CHDH: variants seen among roughly 807,000 people sequenced by gnomAD.
CHDH encodes the protein choline dehydrogenase, also known as choline dehydrogenase, mitochondrial.
A neutral mutation model predicts 56.9 loss-of-function variants in CHDH; 43 were observed. The ratio of observed to expected loss-of-function variants is 0.76; its 90% CI spans 0.59 to 0.97. The LOEUF (loss-of-function observed/expected upper bound fraction) is 0.97. Among genes scored for constraint, CHDH ranks in the 50% least tolerant of loss-of-function variants. The pLI is 0.00. For synonymous variants in CHDH, 364 were observed against 348.5 expected (o/e 1.04, Z -0.50); for missense variants, 816 against 821.1 (o/e 0.99, Z 0.08).
chr3:53,812,617 AG>A lies in CHDH; in HGVS notation c.*5159del, dbSNP rs1428758852. ...TAAGTAAGTAAGTGAATTACAGAGC[AG>A]GTCCAGCTGGCTGCTCTGCCCCTTG... is the stretch of plus-strand genomic sequence containing the variant. On this transcript the variant is annotated 3_prime_UTR_variant, in exon 9 of 9. Coordinates refer to ENST00000315251, the MANE Select transcript of CHDH (RefSeq NM_018397.5). 1 of 152,140 alleles carries A rather than the reference AG, an allele frequency of 6.6e-6. No individual in the cohort carries two copies. Among genetic ancestry groups the A allele is most frequent in the African/African-American group, 2.4e-5 (1 of 41,410 alleles). 9.4% of individuals were successfully genotyped at this position (152,140 alleles called of 1,614,324 possible).
chr3:53,829,525 A>AT (rs1698268897), intron 2 of CHDH, among the ~76,000 whole-genome samples: 1 of 151,954 alleles, frequency 6.6e-6, no homozygotes, highest in African/African-American at 2.4e-5. Context: ...CCTCCTCTCG[A>AT]TTTTGCTGTG....
At chr3:53,826,083 A>G (rs1424236095) in intron 2 of CHDH, among the ~76,000 whole-genome samples, 1 of 152,126 alleles carries the variant, frequency 6.6e-6, no homozygotes, top group Non-Finnish European at 1.5e-5. Context: ...AAGCAGAAAG[A>G]CACTCCAGAT....
At chr3:53,840,603 G>A (rs1218324803) in intron 2 of CHDH, among the ~76,000 whole-genome samples, 2 of 152,002 alleles carry the variant, frequency 1.3e-5, no homozygotes, top group Non-Finnish European at 2.9e-5. Flanking sequence ...GGACCCCCAC[G>A]AGGTGAGGCT....
chr3:53,846,025 G>C (rs1032093157), intron 1 of CHDH, 58 bp downstream of exon 1: 1 of 152,268 alleles, frequency 6.6e-6, no homozygotes, highest in African/African-American at 2.4e-5. Context: ...GGCCTCTCCG[G>C]GCTAGCGGCC....
Position 53,818,962 on chromosome 3 carries a change from T to C in CHDH, c.1342A>G (p.Ile448Val). 1 of 1,613,514 alleles carries C rather than the reference T, an allele frequency of 6.2e-7. No homozygotes were observed. The highest frequency in any genetic ancestry group is 1.3e-5 in the African/African-American group (1 of 75,020). Reference sequence around the variant, plus strand: ...CCTGTTGACAAGTAGTTGGGCTGGATCACAGGGTGGTCTTGGGGATTGGCA... The same window carrying C: ...CCTGTTGACAAGTAGTTGGGCTGGACCACAGGGTGGTCTTGGGGATTGGCA... ...RSANPQDHPV[I>V]QPNYLSTETD... is the part of the protein sequence containing the mutation. The change falls in exon 8 of 9, where the codon ATC (isoleucine) becomes GTC (valine). Residue 448 changes from isoleucine (I) to valine (V), a missense_variant. Physicochemically the swap from Ile to Val is conservative, Grantham distance 29. Coordinates refer to ENST00000315251, the MANE Select transcript of CHDH (RefSeq NM_018397.5).
rs369837430 is a variant in CHDH at position 53,822,677 on chromosome 3, C to T, written c.704-35G>A. The T allele has an allele frequency of 5.2e-5, 82 of 1,589,222 alleles. No homozygotes were observed. The Middle Eastern group carries it at 2.4e-3, about 46-fold the overall frequency. ...GGAGTGAGGTGGTCAGGCATGGCTC[C>T]GCCCTCCCCTGGCACCTGGGCAGGA... On this transcript the variant is annotated intron_variant, in intron 3 of 8. Transcript: ENST00000315251.
chr3:53,813,183 A>G lies in CHDH; in HGVS notation c.*4594T>C, dbSNP rs1008034497. On this transcript the variant is annotated 3_prime_UTR_variant, in exon 9 of 9. Transcript: ENST00000315251. ...TAACAAACACCACTTTGTTATGAAG[A>G]CCTTACAAACCTCTTCTTAAGACAT... The G allele has an allele frequency of 2.8e-5, 4 of 145,294 alleles. No homozygotes were observed. The highest frequency in any genetic ancestry group is 7.7e-5 in the African/African-American group (3 of 38,894). 9.0% of individuals were successfully genotyped at this position (145,294 alleles called of 1,614,324 possible). A position where few individuals can be genotyped will look rare whatever the true frequency, so the allele number is the denominator to read the frequency against.
At position 53,817,920 on chromosome 3, in the gene CHDH, T is replaced by G; in HGVS notation, c.1642A>C (p.Met548Leu). ...ENLRVVDASI[M>L]PSMVSGNLNA... Reference sequence around the variant, plus strand: ...AGGTTGCCGCTGACCATGCTAGGCATGATGGAGGCATCGACGACCCTGAGG... The same window carrying G: ...AGGTTGCCGCTGACCATGCTAGGCAGGATGGAGGCATCGACGACCCTGAGG... The change falls in exon 9 of 9, where the codon ATG (methionine) becomes CTG (leucine). Residue 548 changes from methionine to leucine, a missense_variant. Met to Leu is a conservative substitution (Grantham distance 15). Coordinates refer to ENST00000315251, the MANE Select transcript of CHDH (RefSeq NM_018397.5). 1 of 1,614,214 alleles carries G rather than the reference T, an allele frequency of 6.2e-7. No individual in the cohort carries two copies. Among genetic ancestry groups the G allele is most frequent in the Non-Finnish European group, 8.5e-7 (1 of 1,180,042 alleles).
At chr3:53,831,298 G>A (rs1344311216) in intron 2 of CHDH, among the ~76,000 whole-genome samples, 4 of 152,228 alleles carry the variant, frequency 2.6e-5, no homozygotes, top group Non-Finnish European at 4.4e-5. Context: ...CCTGGCTCCC[G>A]GAAAGCATCT....
At chr3:53,828,200 G>C (rs1032841556) in intron 2 of CHDH, among the ~76,000 whole-genome samples, 5 of 123,724 alleles carry the variant, frequency 4.0e-5, no homozygotes, top group Non-Finnish European at 6.5e-5. Flanking sequence ...CACACACACA[G>C]AGTAAATATA....
At chr3:53,844,016 G>A (rs77745136) in intron 1 of CHDH, among the ~76,000 whole-genome samples, 2,696 of 152,288 alleles carry the variant, frequency 0.018, 91 homozygotes, top group African/African-American at 0.061. Flanking sequence ...GAAAACCCCC[G>A]AGGGGACAGG....
At chr3:53,843,546 T>G (rs1698748034) in intron 1 of CHDH, among the ~76,000 whole-genome samples, 1 of 152,234 alleles carries the variant, frequency 6.6e-6, no homozygotes, top group South Asian at 2.1e-4. Context: ...GGCCCTGACC[T>G]TTGCTCTGCT....
At chr3:53,818,558 C>T (rs1004908867) in intron 8 of CHDH, among the ~76,000 whole-genome samples, 2 of 152,194 alleles carry the variant, frequency 1.3e-5, no homozygotes, top group South Asian at 4.1e-4. Flanking sequence ...GGGTAGTGCT[C>T]GTTTTTGCTG....
At chr3:53,826,404 G>A (rs1193785045) in intron 2 of CHDH, among the ~76,000 whole-genome samples, 1 of 151,742 alleles carries the variant, frequency 6.6e-6, no homozygotes, top group Non-Finnish European at 1.5e-5. Context: ...ATCAAAGTAT[G>A]TATAGAAAGA....
chr3:53,843,784 C>G (rs201523863), intron 1 of CHDH, among the ~76,000 whole-genome samples: 2 of 152,052 alleles, frequency 1.3e-5, no homozygotes, highest in Non-Finnish European at 2.9e-5. Context: ...GTCCAAAGGT[C>G]GCTTCTCTCA....
At chr3:53,833,434 C>T (rs1355110920) in intron 2 of CHDH, among the ~76,000 whole-genome samples, 3 of 152,168 alleles carry the variant, frequency 2.0e-5, no homozygotes, top group Non-Finnish European at 4.4e-5. Context: ...CCTCTCAGGC[C>T]CGCAGGCTGG....
In CHDH at chr3:53,822,610, G is replaced by T; in HGVS notation, c.736C>A (p.His246Asn). The T allele has an allele frequency of 6.2e-7, 1 of 1,611,768 alleles. No homozygotes were observed. The change falls in exon 4 of 9, where the codon CAC (histidine) becomes AAC (asparagine). Residue 246 changes from histidine to asparagine, a missense_variant. Transcript: ENST00000315251. ...AGGTTGGTGCGGCTCAGTGCTGGGT[G>T]CAGGTAGGCACAGGCCGCGCTCCAC... ...KRWSAACAYL[H>N]PALSRTNLKA...
chr3:53,815,993 CTT>C lies in CHDH; in HGVS notation c.*1782_*1783del, dbSNP rs1455472106. ...TTAGAATTTTCTTTCTTGACCCTCT[CTT>C]CGAACAAAAATTTTAAAAAATACAG... On this transcript the variant is annotated 3_prime_UTR_variant, in exon 9 of 9. Coordinates refer to ENST00000315251, the MANE Select transcript of CHDH (RefSeq NM_018397.5). The C allele has an allele frequency of 6.6e-6, 1 of 151,098 alleles. No homozygotes were observed. Among genetic ancestry groups the C allele is most frequent in the Non-Finnish European group, 1.5e-5 (1 of 67,830 alleles). 9.4% of individuals were successfully genotyped at this position (151,098 alleles called of 1,614,324 possible).
At position 53,846,310 on chromosome 3, in the gene CHDH, G is replaced by C. The variant is rs1698885685; in HGVS notation, c.-358C>G. ...AAGCCCGAGGGCGGGTGCAGCTGAT[G>C]CACCTGGCTCACTGCATGCACGTGT... is the stretch of plus-strand genomic sequence containing the variant. On this transcript the variant is annotated 5_prime_UTR_variant, in exon 1 of 9. Coordinates refer to ENST00000315251, the MANE Select transcript of CHDH (RefSeq NM_018397.5). 1 of 384,056 alleles carries C rather than the reference G, an allele frequency of 2.6e-6. No homozygotes were observed. The allele number at this position is 384,056 out of a possible 1,614,324, so 23.8% of individuals were successfully genotyped here.
Sources: allele counts gnomAD v4.1 joint callset (sites outside exome capture counted in the v4.1 genomes callset), GRCh38; gene constraint gnomAD v4.1.1; transcripts MANE v1.5; gene names NCBI Gene and HGNC (gene_info 2026-07-23, HGNC 2026-07-21).